Variants in SULT4A1 observed in about 807,000 individuals in gnomAD.
The protein encoded by SULT4A1 is sulfotransferase family 4A member 1.
A neutral mutation model predicts 35.2 loss-of-function variants in SULT4A1; 11 were observed. The ratio of observed to expected loss-of-function variants is 0.31; its 90% confidence interval spans 0.20 to 0.52. The LOEUF is 0.52. Ranked by LOEUF, SULT4A1 falls within the 20% of genes least tolerant of loss-of-function variation. The pLI is 0.97. For synonymous variants in SULT4A1, 152 were observed against 151.8 expected (o/e 1.00, Z -0.01); for missense variants, 271 against 383.7 (o/e 0.71, Z 2.45).
intron 6 of SULT4A1, chr22:43,828,803 T>G (rs574936059): frequency 1.9e-4 from 84 of 435,080 alleles, no homozygotes; most frequent in Non-Finnish European, 3.3e-4. Flanking sequence ...AAGCCTGAAA[T>G]GCACTTTTTC....
At chr22:43,827,585 C>T (rs2063296501) in intron 6 of SULT4A1, 1 of 1,366,274 alleles carries the variant, frequency 7.3e-7, no homozygotes, top group African/African-American at 1.5e-5. Context: ...CAGCTGGCTA[C>T]TCGGCCCTGC....
intron 6 of SULT4A1, 191 bp from the exon 7 acceptor site, chr22:43,826,304 G>C: frequency 2.0e-6 from 2 of 985,394 alleles, no homozygotes; most frequent in Non-Finnish European, 2.4e-6. Flanking sequence ...GAAACTACTG[G>C]ATGCGGCAGA....
rs2063398268 is a variant in SULT4A1, at chr22:43,838,774, G to A, written c.508+93C>T. On this transcript the variant is annotated intron_variant, in intron 4 of 6. Transcript: ENST00000330884. Reference sequence around the variant, plus strand: ...ACCTACATGGTCACTGTCAGAACTGGAGACCGTGTCGGGGAAGCACCCAGC... The same window carrying A: ...ACCTACATGGTCACTGTCAGAACTGAAGACCGTGTCGGGGAAGCACCCAGC... The A allele has an allele frequency of 1.5e-5, 23 of 1,552,722 alleles. No homozygotes were observed. In the South Asian group the frequency reaches 2.6e-4, roughly 18 times the overall value.
intron 4 of SULT4A1, among the ~76,000 whole-genome samples, chr22:43,836,521 A>G (rs571194186): frequency 6.9e-6 from 1 of 144,056 alleles, no homozygotes; most frequent in East Asian, 2.1e-4. Flanking sequence ...CTGCCTACAC[A>G]GCGTCCTCAC....
At chr22:43,856,800 G>T (rs746500050) in intron 1 of SULT4A1, among the ~76,000 whole-genome samples, 11 of 152,146 alleles carry the variant, frequency 7.2e-5, no homozygotes, top group Non-Finnish European at 1.3e-4. Context: ...ACGAGGCGGG[G>T]TTAACTCAAT....
Position 43,829,209 on chromosome 22 carries a change from A to T in SULT4A1, c.604-11T>A. On this transcript the variant is annotated splice_polypyrimidine_tract_variant and intron_variant, in intron 5 of 6. Transcript: ENST00000330884. ...CATCGTCACCAGGTCCTGGAAGACA[A>T]GTGCAGAGAGCAGAGCAGCCCATCA... 1 of 1,552,772 alleles carries T rather than the reference A, an allele frequency of 6.4e-7. No homozygotes were observed.
chr22:43,851,811 C>T (rs1240432829), intron 1 of SULT4A1, among the ~76,000 whole-genome samples: 1 of 152,160 alleles, frequency 6.6e-6, no homozygotes, highest in Non-Finnish European at 1.5e-5. Context: ...TTGGTGACAG[C>T]CTCTAGTTTC....
chr22:43,847,216 G>A (rs574378643), intron 1 of SULT4A1, among the ~76,000 whole-genome samples: 41 of 152,194 alleles, frequency 2.7e-4, no homozygotes, highest in Admixed American at 2.6e-4. Flanking sequence ...CACACACCAC[G>A]AAACACGCAG....
intron 1 of SULT4A1, among the ~76,000 whole-genome samples, chr22:43,845,203 C>T (rs1336280861): frequency 6.6e-6 from 1 of 152,174 alleles, no homozygotes; most frequent in African/African-American, 2.4e-5. Context: ...CCTCATCTCC[C>T]CGCCCTGAAC....
chr22:43,862,284 C>T lies in SULT4A1; in HGVS notation c.99G>A (p.Gly33=). The T allele has an allele frequency of 1.3e-6, 2 of 1,572,486 alleles. No homozygotes were observed. Among genetic ancestry groups the T allele is most frequent in the South Asian group, 1.1e-5 (1 of 88,028 alleles). The part of the protein sequence containing the change: ...HGVRLPPFCR[G]KMEEIANFPV... ...GGAAGTTGGCGATCTCCTCCATCTT[C>T]CCGCGGCAGAAGGGCGGCAGCCGCA... The change falls in exon 1 of 7, where the codon GGG becomes GGA. Residue 33 remains glycine (G), a synonymous_variant. Transcript: ENST00000330884.
chr22:43,829,158 C>G lies in SULT4A1; in HGVS notation c.644G>C (p.Gly215Ala). Residue 215 changes from glycine to alanine, a missense_variant, in exon 6 of 7, where the codon GGG (glycine) becomes GCG (alanine). Physicochemically the swap from Gly to Ala is moderately conservative, Grantham distance 60 (BLOSUM62 0). Around this residue, in one of 3 missense-constraint regions of SULT4A1, gnomAD observed 75 missense variants for 67.7 expected, o/e 1.11. Transcript: ENST00000330884. ...CAGCTGGGCCTTGTCACAGGACACC[C>G]CCAGGAATCTGGCCAGCTGCTCCAC... ...TMVEQLARFL[G>A]VSCDKAQLEA... 1 of 1,565,510 alleles carries G rather than the reference C, an allele frequency of 6.4e-7. No homozygotes were observed. Among genetic ancestry groups the G allele is most frequent in the Admixed American group, 1.9e-5 (1 of 53,680 alleles).
chr22:43,840,193 G>A (rs955111238), intron 2 of SULT4A1, among the ~76,000 whole-genome samples, 168 bp from the exon 3 acceptor site: 18 of 148,284 alleles, frequency 1.2e-4, no homozygotes, highest in South Asian at 2.2e-4. Flanking sequence ...TCAGGAGAGC[G>A]TCAGGTAAGA....
At chr22:43,835,443 AG>A (rs1416104351) in intron 4 of SULT4A1, among the ~76,000 whole-genome samples, 8 of 152,168 alleles carry the variant, frequency 5.3e-5, no homozygotes, top group African/African-American at 1.9e-4. Flanking sequence ...CGCTGGCTGT[AG>A]AGACTCCTCT....
In SULT4A1 at chr22:43,856,037, G is replaced by A. The variant is rs2049397895; in HGVS notation, c.169+6177C>T. On this transcript the variant is annotated intron_variant, in intron 1 of 6. Coordinates refer to ENST00000330884, the MANE Select transcript of SULT4A1 (RefSeq NM_014351.4). ...AACCTCTGAAGCCAGAGAAGCCAGA[G>A]AATCTCACACTGAGCAGAGTTCACA... Among the ~76,000 whole-genome samples, 4 of 152,344 alleles carry A rather than the reference G, an allele frequency of 2.6e-5. No homozygotes were observed. The Middle Eastern group carries it at 0.014, about 522-fold the overall frequency.
At chr22:43,855,307 TGGG>T (rs35161020) in intron 1 of SULT4A1, among the ~76,000 whole-genome samples, 1 of 152,320 alleles carries the variant, frequency 6.6e-6, no homozygotes, top group Non-Finnish European at 1.5e-5. Flanking sequence ...GTTGTGAGGA[TGGG>T]GAGGATAAAA....
intron 4 of SULT4A1, among the ~76,000 whole-genome samples, chr22:43,837,776 A>G (rs941400828): frequency 6.6e-6 from 1 of 152,168 alleles, no homozygotes; most frequent in African/African-American, 2.4e-5. Context: ...CAGCAGCTCT[A>G]GGTCCACTGC....
intron 1 of SULT4A1, among the ~76,000 whole-genome samples, chr22:43,842,929 A>G (rs1199684151): frequency 1.3e-5 from 2 of 150,932 alleles, no homozygotes; most frequent in Non-Finnish European, 2.9e-5. Context: ...CTTTTGTCAT[A>G]ATATTGGACC....
chr22:43,849,459 C>G (rs1009955305), intron 1 of SULT4A1, among the ~76,000 whole-genome samples: 6 of 152,114 alleles, frequency 3.9e-5, no homozygotes, highest in African/African-American at 1.2e-4. Flanking sequence ...TATAAAAACC[C>G]CAGAATTCAG....
At chr22:43,859,944 A>G (rs2049446966) in intron 1 of SULT4A1, among the ~76,000 whole-genome samples, 1 of 152,236 alleles carries the variant, frequency 6.6e-6, no homozygotes, top group African/African-American at 2.4e-5. Context: ...CATCTAAGCT[A>G]GAATGTCGCA....
Sources: gnomAD v4.1 joint callset for allele counts (sites outside exome capture counted in the v4.1 genomes callset) on GRCh38, gnomAD v4.1.1 for gene constraint, gnomAD v4.1.1 regional missense constraint, MANE v1.5 for transcripts, NCBI Gene and HGNC (gene_info 2026-07-23, HGNC 2026-07-21) for gene names.